The following WWP1 variants were observed in gnomAD, a reference collection of about 807,000 sequenced individuals.
WWP1 encodes the protein NEDD4-like E3 ubiquitin-protein ligase WWP1.
WWP1 carries 49 observed loss-of-function variants against 130.6 expected under a neutral mutation model. The observed-to-expected ratio is 0.38, with a 90% CI of 0.30 to 0.48. The LOEUF (loss-of-function observed/expected upper bound fraction) is 0.48, where lower values mean the gene tolerates loss of function less well. Ranked by LOEUF, WWP1 falls within the 20% of genes least tolerant of loss-of-function variation. The pLI is 0.99. For missense variants in WWP1, 809 were observed against 1,100.6 expected, an observed-to-expected ratio of 0.74 and a Z score of 3.75; for synonymous variants, 332 against 367.8, an observed-to-expected ratio of 0.90 and a Z score of 1.11.
At chr8:86,435,815 A>G in intron 16 of WWP1, 111 bp downstream of exon 16, 1 of 974,826 alleles carries the variant, frequency 1.0e-6, no homozygotes, top group South Asian at 1.7e-5. Flanking sequence ...CAGCTATAAT[A>G]ATAATGACTG....
chr8:86,427,417 G>T (rs1809692054), intron 10 of WWP1, among the ~76,000 whole-genome samples: 1 of 151,608 alleles, frequency 6.6e-6, no homozygotes, highest in African/African-American at 2.4e-5. Context: ...AAGAAAATAA[G>T]CAAACTCTTG....
intron 9 of WWP1, among the ~76,000 whole-genome samples, chr8:86,418,276 G>A (rs1021640924): frequency 6.6e-6 from 1 of 152,202 alleles, no homozygotes; most frequent in African/African-American, 2.4e-5. Flanking sequence ...ACTTTGTGGA[G>A]CGTATGGTCT....
intron 18 of WWP1, among the ~76,000 whole-genome samples, chr8:86,447,411 C>T (rs1019327572): frequency 2.0e-5 from 3 of 152,206 alleles, no homozygotes; most frequent in South Asian, 2.1e-4. Context: ...GGACTACAGG[C>T]GCGTGCCACC....
intron 9 of WWP1, among the ~76,000 whole-genome samples, chr8:86,424,330 C>T (rs1376553497): frequency 6.8e-5 from 10 of 147,162 alleles, no homozygotes; most frequent in East Asian, 2.1e-4. Context: ...ACTGGGCAGC[C>T]GGGCAGAGGG....
intron 1 of WWP1, among the ~76,000 whole-genome samples, chr8:86,362,031 CACACACATATATAT>C (rs1823651937): frequency 1.6e-5 from 2 of 126,824 alleles, no homozygotes; most frequent in South Asian, 2.5e-4. Flanking sequence ...CATATATATA[CACACACATATATAT>C]ACACACATAT....
chr8:86,426,976 C>T (rs566008862), intron 10 of WWP1, among the ~76,000 whole-genome samples: 3 of 152,120 alleles, frequency 2.0e-5, no homozygotes, highest in Admixed American at 1.3e-4. Flanking sequence ...TCCTGGCCAA[C>T]GTGGTGAAAC....
chr8:86,365,859 A>G (rs969962628), intron 1 of WWP1, among the ~76,000 whole-genome samples: 1 of 152,214 alleles, frequency 6.6e-6, no homozygotes, highest in Non-Finnish European at 1.5e-5. Context: ...TTAGATGTAT[A>G]CATTGAGAAC....
chr8:86,359,142 G>C (rs1482203558), intron 1 of WWP1, among the ~76,000 whole-genome samples: 1 of 152,322 alleles, frequency 6.6e-6, no homozygotes, highest in East Asian at 1.9e-4. Flanking sequence ...AGAAATATGT[G>C]TGAATAGTGA....
chr8:86,433,275 A>G (rs1038326779), intron 14 of WWP1, among the ~76,000 whole-genome samples: 1 of 123,972 alleles, frequency 8.1e-6, no homozygotes, highest in Non-Finnish European at 1.6e-5. Flanking sequence ...CTCTTGATGC[A>G]TCTTACTCAG....
intron 1 of WWP1, among the ~76,000 whole-genome samples, chr8:86,353,709 C>T (rs1482971266): frequency 6.6e-6 from 1 of 152,160 alleles, no homozygotes; most frequent in East Asian, 1.9e-4. Context: ...TCTCGAACTC[C>T]TGACCTCAAG....
chr8:86,364,153 A>G (rs936705918), intron 1 of WWP1, among the ~76,000 whole-genome samples: 11 of 152,234 alleles, frequency 7.2e-5, no homozygotes, highest in Non-Finnish European at 1.5e-4. Context: ...GAGAATGAAA[A>G]GAGAATTGAG....
intron 1 of WWP1, among the ~76,000 whole-genome samples, chr8:86,347,010 T>TTTTA (rs1822622911): frequency 6.6e-6 from 1 of 151,972 alleles, no homozygotes; most frequent in African/African-American, 2.4e-5. Context: ...TTTTATTTTA[T>TTTTA]TTTATTTATT....
At chr8:86,398,222 C>G in intron 5 of WWP1, 120 bp from the exon 6 acceptor site, 1 of 1,164,802 alleles carries the variant, frequency 8.6e-7, no homozygotes, top group South Asian at 1.9e-5. Flanking sequence ...CAAAGGCATG[C>G]AAAGAATTCC....
At chr8:86,456,716 A>C (rs528134424) in intron 21 of WWP1, among the ~76,000 whole-genome samples, 1 of 152,114 alleles carries the variant, frequency 6.6e-6, no homozygotes, top group South Asian at 2.1e-4. Context: ...TTAACAAGTG[A>C]ATGGATAAGC....
intron 9 of WWP1, 26 bp downstream of exon 9, chr8:86,411,900 C>T (rs1808608247): frequency 3.8e-6 from 6 of 1,559,006 alleles, no homozygotes; most frequent in East Asian, 4.5e-5. Context: ...TAATGTCTGA[C>T]TTGCATTTAA....
intron 9 of WWP1, among the ~76,000 whole-genome samples, chr8:86,412,204 T>A (rs1465605419): frequency 6.6e-6 from 1 of 152,214 alleles, no homozygotes; most frequent in Non-Finnish European, 1.5e-5. Flanking sequence ...TTCTCTGGCA[T>A]CCTTGGTGAT....
chr8:86,461,901 T>G, intron 24 of WWP1, 55 bp downstream of exon 24: 1 of 1,473,094 alleles, frequency 6.8e-7, no homozygotes. Flanking sequence ...TCTTTTGTTT[T>G]GTTTTTTTAA....
chr8:86,351,505 GTT>G (rs74366305), intron 1 of WWP1, among the ~76,000 whole-genome samples: 8 of 141,388 alleles, frequency 5.7e-5, no homozygotes, highest in African/African-American at 1.0e-4. Context: ...TGCTCAGCTA[GTT>G]TTTTTTTTTT....
intron 1 of WWP1, among the ~76,000 whole-genome samples, chr8:86,362,171 T>TATATATATATATATATATAGGGC (rs1823694059): frequency 1.6e-5 from 1 of 63,744 alleles, no homozygotes; most frequent in African/African-American, 4.5e-5. Flanking sequence ...GGCATATATA[T>TATATATATATATATATATAGGGC]ATATATATAT....
Sources: gnomAD v4.1 joint callset for allele counts (sites outside exome capture counted in the v4.1 genomes callset) on GRCh38, gnomAD v4.1.1 for gene constraint, MANE v1.5 for transcripts, NCBI Gene and HGNC (gene_info 2026-07-23, HGNC 2026-07-21) for gene names.